Variants in LOXL1 observed in about 807,000 individuals in gnomAD.
LOXL1 encodes the protein lysyl oxidase like 1, also known as lysyl oxidase homolog 1.
LOXL1 carries 31 observed loss-of-function variants against 62.2 expected under a neutral mutation model. The observed-to-expected ratio is 0.50, with a 90% CI of 0.37 to 0.67. The LOEUF (loss-of-function observed/expected upper bound fraction) is 0.67, where lower values mean the gene tolerates loss of function less well. LOXL1 is among the 30% of genes least tolerant of loss of function. LOXL1 has a pLI of 0.00. For synonymous variants in LOXL1, 403 were observed against 384.4 expected (o/e 1.05, Z -0.56); for missense variants, 775 against 843.4 (o/e 0.92, Z 1.00).
At chr15:73,931,145 G>A (rs1259660459) in intron 1 of LOXL1, among the ~76,000 whole-genome samples, 1 of 141,558 alleles carries the variant, frequency 7.1e-6, no homozygotes, top group Non-Finnish European at 1.6e-5. Flanking sequence ...CCTTACCCTC[G>A]CACCCCCCGC....
At chr15:73,935,036 C>G (rs1428960688) in intron 1 of LOXL1, among the ~76,000 whole-genome samples, 1 of 152,178 alleles carries the variant, frequency 6.6e-6, no homozygotes, top group Non-Finnish European at 1.5e-5. Flanking sequence ...GGAGGTATAA[C>G]AGGGGACAGG....
intron 1 of LOXL1, among the ~76,000 whole-genome samples, chr15:73,936,471 A>T (rs1329326707): frequency 1.3e-5 from 2 of 152,176 alleles, no homozygotes; most frequent in African/African-American, 4.8e-5. Context: ...GCTCCTCTGG[A>T]GTCTGGCTGC....
intron 1 of LOXL1, among the ~76,000 whole-genome samples, chr15:73,938,647 G>A (rs552563519): frequency 6.6e-6 from 1 of 152,328 alleles, no homozygotes; most frequent in South Asian, 2.1e-4. Flanking sequence ...GGAAGCGGAT[G>A]TTGCAGTGAG....
intron 1 of LOXL1, among the ~76,000 whole-genome samples, chr15:73,939,419 T>A (rs1384359048): frequency 6.6e-6 from 1 of 152,150 alleles, no homozygotes; most frequent in Admixed American, 6.5e-5. Flanking sequence ...GTCACCCCCA[T>A]GGCCATGAGG....
chr15:73,934,038 G>A (rs2068653478), intron 1 of LOXL1, among the ~76,000 whole-genome samples: 1 of 152,238 alleles, frequency 6.6e-6, no homozygotes, highest in African/African-American at 2.4e-5. Flanking sequence ...GGAGAGGGGT[G>A]TCAGAATGCC....
At chr15:73,938,960 C>T (rs1226914982) in intron 1 of LOXL1, among the ~76,000 whole-genome samples, 1 of 152,138 alleles carries the variant, frequency 6.6e-6, no homozygotes, top group Non-Finnish European at 1.5e-5. Flanking sequence ...CTTTAAAATG[C>T]ATACTTTTTG....
At chr15:73,941,466 T>A (rs1424224665) in intron 1 of LOXL1, among the ~76,000 whole-genome samples, 5 of 152,162 alleles carry the variant, frequency 3.3e-5, no homozygotes, top group Admixed American at 2.6e-4. Context: ...TGGCCTCATC[T>A]TCCAGACCTA....
chr15:73,927,737 C>G lies in LOXL1; in HGVS notation c.954C>G (p.Pro318=). The G allele has an allele frequency of 6.9e-7, 1 of 1,459,622 alleles. No homozygotes were observed. Among genetic ancestry groups the G allele is most frequent in the Non-Finnish European group, 9.0e-7 (1 of 1,112,240 alleles). The allele number at this position is 1,459,622 out of a possible 1,614,324, so 90.4% of individuals were successfully genotyped here. A position where few individuals can be genotyped will look rare whatever the true frequency, so the allele number is the denominator to read the frequency against. ...GWYPPYANPP[P]EAYGPPRALE... The stretch of plus-strand genomic sequence containing the variant: ...ACCCGCCCTACGCCAACCCGCCGCC[C>G]GAGGCGTACGGGCCGCCGCGCGCGC... Residue 318 remains proline, a synonymous_variant, in exon 1 of 7, where the codon CCC becomes CCG. Coordinates refer to ENST00000261921, the MANE Select transcript of LOXL1 (RefSeq NM_005576.4).
In LOXL1 at chr15:73,927,399, C is replaced by T. The variant is rs1567082472; in HGVS notation, c.616C>T (p.Arg206Trp). The T allele has an allele frequency of 6.4e-7, 1 of 1,554,582 alleles. No homozygotes were observed. Among genetic ancestry groups the T allele is most frequent in the African/African-American group, 1.4e-5 (1 of 70,534 alleles). Residue 206 changes from arginine to tryptophan, a missense_variant, in exon 1 of 7, where the codon CGG becomes TGG. Transcript: ENST00000261921. ...RTYDQGFVYY[R>W]PAGGGVGAGA... ...CTACGACCAGGGTTTCGTGTACTAC[C>T]GGCCCGCGGGCGGCGGCGTGGGCGC...
At chr15:73,941,547 C>T (rs780590449) in intron 1 of LOXL1, among the ~76,000 whole-genome samples, 6 of 152,336 alleles carry the variant, frequency 3.9e-5, no homozygotes, top group Admixed American at 1.3e-4. Context: ...AGTCCTCCCA[C>T]CTTGCCTGCT....
Position 73,926,700 on chromosome 15 carries a change from C to G in LOXL1, c.-84C>G. ...GGGGCAAGCAAGGAGCCTTCCTGTC[C>G]TCGAGGCCGTGGGAAGAGAAGCACG... On this transcript the variant is annotated 5_prime_UTR_variant, in exon 1 of 7. Transcript: ENST00000261921. 3 of 1,347,772 alleles carry G rather than the reference C, an allele frequency of 2.2e-6. No homozygotes were observed. Among genetic ancestry groups the G allele is most frequent in the Non-Finnish European group, 2.9e-6 (3 of 1,044,136 alleles). The allele number at this position is 1,347,772 out of a possible 1,614,324, so 83.5% of individuals were successfully genotyped here.
intron 2 of LOXL1, 37 bp from the exon 3 acceptor site, chr15:73,946,379 GC>G: frequency 1.4e-6 from 2 of 1,462,572 alleles, no homozygotes; most frequent in Non-Finnish European, 9.5e-7. Flanking sequence ...GTGTCACTGT[GC>G]CCCAACCCCC....
At chr15:73,943,036 G>A (rs1338363721) in intron 2 of LOXL1, 74 bp downstream of exon 2, 8 of 1,192,928 alleles carry the variant, frequency 6.7e-6, no homozygotes, top group Admixed American at 1.7e-5. Flanking sequence ...CCTAGCTGTG[G>A]CTGCCAGCTA....
At chr15:73,951,395 C>G (rs1006346826) in intron 6 of LOXL1, among the ~76,000 whole-genome samples, 1 of 152,034 alleles carries the variant, frequency 6.6e-6, no homozygotes, top group East Asian at 1.9e-4. Flanking sequence ...TGACCCTGAC[C>G]GCAGGCAGGC....
chr15:73,947,855 C>A lies in LOXL1; in HGVS notation c.1555C>A (p.Gln519Lys). ...YDTYNADIDC[Q>K]WIDITDVQPG... is the part of the protein sequence containing the mutation. Reference sequence around the variant, plus strand: ...CACCTACAATGCGGACATCGACTGCCAGTGGATCGACATAACCGACGTGCA... The same window carrying A: ...CACCTACAATGCGGACATCGACTGCAAGTGGATCGACATAACCGACGTGCA... Residue 519 changes from glutamine (Q) to lysine (K), a missense_variant, in exon 5 of 7, where the codon CAG becomes AAG. Coordinates refer to ENST00000261921, the MANE Select transcript of LOXL1 (RefSeq NM_005576.4). 1 of 1,613,964 alleles carries A rather than the reference C, an allele frequency of 6.2e-7. No homozygotes were observed. Among genetic ancestry groups the A allele is most frequent in the Non-Finnish European group, 8.5e-7 (1 of 1,179,878 alleles).
rs575046735 is a variant in LOXL1, at chr15:73,939,041, C to A, written c.1103-3813C>A. ...AACATTGGCCACTCTGCTTGGAGGGCCTGTTGTACCCTACAAGCCAAAAAT... is the reference window on the plus strand; with the variant it reads ...AACATTGGCCACTCTGCTTGGAGGGACTGTTGTACCCTACAAGCCAAAAAT... On this transcript the variant is annotated intron_variant, in intron 1 of 6. Transcript: ENST00000261921. Among the ~76,000 whole-genome samples the A allele has an allele frequency of 4.6e-5, 7 of 152,248 alleles. No individual in the cohort carries two copies. In the South Asian group the frequency reaches 1.4e-3, roughly 32 times the overall value.
At chr15:73,937,023 A>G (rs971728317) in intron 1 of LOXL1, among the ~76,000 whole-genome samples, 7 of 152,394 alleles carry the variant, frequency 4.6e-5, no homozygotes, top group African/African-American at 1.7e-4. Flanking sequence ...AGTGAGCCTC[A>G]GAAAGGGGAC....
At chr15:73,946,042 G>T (rs1212679607) in intron 2 of LOXL1, among the ~76,000 whole-genome samples, 1 of 152,156 alleles carries the variant, frequency 6.6e-6, no homozygotes, top group East Asian at 1.9e-4. Flanking sequence ...CCCGCAATAG[G>T]GCTGTTTTTC....
chr15:73,927,000 T>C lies in LOXL1; in HGVS notation c.217T>C (p.Ser73Pro), dbSNP rs1406539467. 2 of 1,463,836 alleles carry C rather than the reference T, an allele frequency of 1.4e-6. No individual in the cohort carries two copies. The highest frequency in any genetic ancestry group is 2.0e-4 in the Middle Eastern group (1 of 5,006). The allele number at this position is 1,463,836 out of a possible 1,614,324, so 90.7% of individuals were successfully genotyped here. A position where few individuals can be genotyped will look rare whatever the true frequency, so the allele number is the denominator to read the frequency against. ...CGGACCTCAGCGCTCCGAGAGTAGC[T>C]CCCGGGTGCTGCTGGCCGGCGCGCC... ...PAGPQRSESS[S>P]RVLLAGAPQA... Residue 73 changes from serine to proline, a missense_variant, in exon 1 of 7, where the codon TCC (serine) becomes CCC (proline). By Grantham distance (74) the Ser-to-Pro change is moderately conservative. Transcript: ENST00000261921.
Sources: allele counts gnomAD v4.1 joint callset (sites outside exome capture counted in the v4.1 genomes callset), GRCh38; gene constraint gnomAD v4.1.1; transcripts MANE v1.5; gene names NCBI Gene and HGNC (gene_info 2026-07-23, HGNC 2026-07-21).